Variants in CNOT1 observed in about 807,000 individuals in gnomAD.
The protein encoded by CNOT1 is CCR4-associated factor 1.
Under a neutral mutation model 273.8 loss-of-function variants are expected in CNOT1, and 15 were observed. The observed-to-expected ratio is 0.05, with a 90% CI of 0.04 to 0.08. The LOEUF (loss-of-function observed/expected upper bound fraction) is 0.08, where lower values mean the gene tolerates loss of function less well. Ranked by LOEUF, CNOT1 falls within the 10% of genes least tolerant of loss-of-function variation. The pLI, the probability that CNOT1 is intolerant of heterozygous loss-of-function variation, is 1.00. For missense variants in CNOT1, 1,644 were observed against 2,912.2 expected, an observed-to-expected ratio of 0.56 and a Z score of 10.02; for synonymous variants, 1,022 against 1,005.5, an observed-to-expected ratio of 1.02 and a Z score of -0.31.
intron 16 of CNOT1, among the ~76,000 whole-genome samples, chr16:58,567,178 G>A (rs920778208): frequency 6.0e-5 from 9 of 150,328 alleles, no homozygotes; most frequent in South Asian, 2.1e-4. Flanking sequence ...AAGAAAGAAA[G>A]AAAAAAAAAG....
chr16:58,549,068 C>G (rs1057259204), intron 25 of CNOT1, among the ~76,000 whole-genome samples: 8 of 152,128 alleles, frequency 5.3e-5, no homozygotes, highest in Non-Finnish European at 1.0e-4. Flanking sequence ...GAGGGTGGAT[C>G]ACCTAAGGTC....
chr16:58,549,659 TAATCA>T (rs1567400466), intron 25 of CNOT1, 55 bp downstream of exon 25: 10 of 1,537,180 alleles, frequency 6.5e-6, no homozygotes, highest in Non-Finnish European at 8.7e-6. Context: ...CCTACCTATA[TAATCA>T]AATATTTCCA....
At chr16:58,569,588 A>G (rs1460880862) in intron 16 of CNOT1, among the ~76,000 whole-genome samples, 1 of 151,790 alleles carries the variant, frequency 6.6e-6, no homozygotes, top group Non-Finnish European at 1.5e-5. Flanking sequence ...ACCAAACAGA[A>G]AAAGTACAGT....
chr16:58,612,685 G>C (rs1312045713), intron 1 of CNOT1, among the ~76,000 whole-genome samples: 1 of 152,110 alleles, frequency 6.6e-6, no homozygotes, highest in Non-Finnish European at 1.5e-5. Flanking sequence ...GTTGCAGTGA[G>C]CCGAGATCCT....
intron 38 of CNOT1, among the ~76,000 whole-genome samples, chr16:58,537,510 A>G (rs987604381): frequency 6.6e-6 from 1 of 152,248 alleles, no homozygotes; most frequent in Non-Finnish European, 1.5e-5. Context: ...CCTACTATGT[A>G]CCATGCTTTC....
intron 40 of CNOT1, 127 bp from the exon 41 acceptor site, chr16:58,532,522 A>G: frequency 2.1e-6 from 3 of 1,422,980 alleles, no homozygotes; most frequent in Non-Finnish European, 1.8e-6. Context: ...CAATTTGAAT[A>G]CAAAATTACA....
chr16:58,622,697 AT>A (rs1473485168), intron 1 of CNOT1, among the ~76,000 whole-genome samples: 14 of 151,400 alleles, frequency 9.2e-5, no homozygotes, highest in African/African-American at 3.4e-4. Context: ...AAATACAAAA[AT>A]TAGCCAGATG....
intron 18 of CNOT1, 45 bp downstream of exon 18, chr16:58,558,428 G>A (rs777685986): frequency 1.3e-5 from 21 of 1,609,498 alleles, no homozygotes; most frequent in Non-Finnish European, 1.8e-5. Context: ...GCATAACTAA[G>A]GCAAACTTAT....
chr16:58,563,423 T>C (rs1408565152), intron 16 of CNOT1, among the ~76,000 whole-genome samples: 3 of 152,072 alleles, frequency 2.0e-5, no homozygotes, highest in African/African-American at 4.8e-5. Context: ...AAAGACAAAA[T>C]TGCCTGATGA....
chr16:58,616,333 T>C (rs2043080513), intron 1 of CNOT1, among the ~76,000 whole-genome samples: 1 of 115,934 alleles, frequency 8.6e-6, no homozygotes, highest in Non-Finnish European at 2.1e-5. Flanking sequence ...CTTGAACTCC[T>C]GACCTCAGGT....
rs1372298659 is a variant in CNOT1, at chr16:58,599,525, C to A, written c.-174-14G>T. The A allele has an allele frequency of 1.6e-5, 10 of 609,746 alleles. No homozygotes were observed. The highest frequency in any genetic ancestry group is 6.3e-5 in the South Asian group (2 of 31,804). The allele number at this position is 609,746 out of a possible 1,614,324, so 37.8% of individuals were successfully genotyped here. A position where few individuals can be genotyped will look rare whatever the true frequency, so the allele number is the denominator to read the frequency against. On this transcript the variant is annotated splice_polypyrimidine_tract_variant and intron_variant, in intron 1 of 48. Transcript: ENST00000317147. ...GAAACATGGCACCTGTTTAAAAAAA[C>A]ACACACACACAAATCCAGATTTTTA... is the stretch of plus-strand genomic sequence containing the variant.
intron 13 of CNOT1, among the ~76,000 whole-genome samples, chr16:58,577,090 TC>T (rs573775464): frequency 5.9e-5 from 2 of 33,996 alleles, no homozygotes; most frequent in Admixed American, 4.2e-4. Context: ...TAATTCCATT[TC>T]TTTTTTTTTT....
intron 2 of CNOT1, among the ~76,000 whole-genome samples, chr16:58,597,217 T>C (rs1399678796): frequency 6.6e-6 from 1 of 151,940 alleles, no homozygotes; most frequent in African/African-American, 2.4e-5. Flanking sequence ...TGGGAGCCTG[T>C]AATCACAGCA....
chr16:58,526,335 C>G (rs947090141), intron 44 of CNOT1, among the ~76,000 whole-genome samples, 197 bp from the exon 45 acceptor site: 1 of 151,950 alleles, frequency 6.6e-6, no homozygotes, highest in Non-Finnish European at 1.5e-5. Flanking sequence ...ATTTCCCACT[C>G]TATAATGTAT....
intron 45 of CNOT1, 122 bp downstream of exon 45, chr16:58,525,867 C>T: frequency 1.2e-6 from 1 of 814,268 alleles, no homozygotes; most frequent in Non-Finnish European, 2.0e-6. Context: ...AGTTAATCAA[C>T]CTCACCCAAT....
chr16:58,574,483 T>G (rs1389474250), intron 16 of CNOT1, 126 bp downstream of exon 16: 1 of 890,446 alleles, frequency 1.1e-6, no homozygotes, highest in Non-Finnish European at 1.6e-6. Context: ...GTATAGGACT[T>G]TGGACTTAAA....
intron 4 of CNOT1, 92 bp downstream of exon 4, chr16:58,587,688 T>C: frequency 7.2e-7 from 1 of 1,394,570 alleles, no homozygotes; most frequent in Middle Eastern, 1.8e-4. Flanking sequence ...GAAATTTTTA[T>C]ATTAAGACAT....
chr16:58,612,931 T>C (rs2152036597), intron 1 of CNOT1, among the ~76,000 whole-genome samples: 1 of 152,338 alleles, frequency 6.6e-6, no homozygotes, highest in East Asian at 1.9e-4. Flanking sequence ...CATGTTTCTT[T>C]AATCCTCACA....
Position 58,578,911 on chromosome 16 carries a change from G to T in CNOT1, c.1372C>A (p.Leu458Met). The T allele has an allele frequency of 6.2e-7, 1 of 1,614,148 alleles. No individual in the cohort carries two copies. The highest frequency in any genetic ancestry group is 8.5e-7 in the Non-Finnish European group (1 of 1,180,038). The part of the protein sequence containing the change: ...WKSLDLIESL[L>M]RLAEVGQYEQ... Reference sequence around the variant, plus strand: ...TACTGCCCAACCTCTGCAAGCCTCAGCAGAGATTCAATCAAATCCAAGCTC... The same window carrying T: ...TACTGCCCAACCTCTGCAAGCCTCATCAGAGATTCAATCAAATCCAAGCTC... The change falls in exon 13 of 49, where the codon CTG becomes ATG. Residue 458 changes from leucine (L) to methionine (M), a missense_variant. Physicochemically the swap from Leu to Met is conservative, Grantham distance 15 (BLOSUM62 2). Around this residue, in one of 13 missense-constraint regions of CNOT1, gnomAD observed 706 missense variants for 1,021.2 expected, o/e 0.69. Coordinates refer to ENST00000317147, the MANE Select transcript of CNOT1 (RefSeq NM_016284.5).
Sources: gnomAD v4.1 joint callset for allele counts (sites outside exome capture counted in the v4.1 genomes callset) on GRCh38, gnomAD v4.1.1 for gene constraint, gnomAD v4.1.1 regional missense constraint, MANE v1.5 for transcripts, NCBI Gene and HGNC (gene_info 2026-07-23, HGNC 2026-07-21) for gene names.